Variants in TSHZ2 observed in about 807,000 individuals in gnomAD.
TSHZ2 encodes teashirt homolog 2.
In TSHZ2, 21 loss-of-function variants were observed where a neutral mutation model predicts 74.4. The observed-to-expected ratio is 0.28, with a 90% CI of 0.20 to 0.41. The LOEUF is 0.41. Among genes scored for constraint, TSHZ2 ranks in the 10% least tolerant of loss-of-function variants. The probability of loss-of-function intolerance (pLI) is 1.00; values close to 1 mark genes in which losing one functional copy is unlikely to be tolerated. For missense variants in TSHZ2, 1,244 were observed against 1,293.5 expected, an observed-to-expected ratio of 0.96 and a Z score of 0.59; for synonymous variants, 540 against 515.3, an observed-to-expected ratio of 1.05 and a Z score of -0.65.
chr20:53,306,422 T>C (rs1338866861), intron 2 of TSHZ2, among the ~76,000 whole-genome samples: 1 of 152,126 alleles, frequency 6.6e-6, no homozygotes, highest in Non-Finnish European at 1.5e-5. Context: ...GAGGTGACAG[T>C]GCTGGAGGTG....
intron 2 of TSHZ2, among the ~76,000 whole-genome samples, chr20:53,367,585 T>C (rs890229251): frequency 1.3e-5 from 2 of 152,002 alleles, no homozygotes; most frequent in Non-Finnish European, 2.9e-5. Context: ...TTATTCTTTT[T>C]TTTCTTTTTG....
intron 2 of TSHZ2, among the ~76,000 whole-genome samples, chr20:53,446,429 G>C (rs4811438): frequency 6.9e-6 from 1 of 145,716 alleles, no homozygotes; most frequent in Non-Finnish European, 1.5e-5. Flanking sequence ...AAAAAAACTA[G>C]CCGGGTGTGG....
At chr20:53,450,965 GCC>G (rs2092588942) in intron 2 of TSHZ2, among the ~76,000 whole-genome samples, 1 of 151,556 alleles carries the variant, frequency 6.6e-6, no homozygotes, top group South Asian at 2.1e-4. Flanking sequence ...AGTCTCAGAA[GCC>G]CAGAGGGAAA....
chr20:53,246,719 C>G (rs1990214765), intron 1 of TSHZ2, among the ~76,000 whole-genome samples: 1 of 152,234 alleles, frequency 6.6e-6, no homozygotes, highest in Non-Finnish European at 1.5e-5. Flanking sequence ...AAAGGGATGA[C>G]AGAATATCCA....
At chr20:53,165,902 C>T (rs1402987596) in intron 1 of TSHZ2, among the ~76,000 whole-genome samples, 2 of 152,184 alleles carry the variant, frequency 1.3e-5, no homozygotes, top group African/African-American at 4.8e-5. Context: ...ACACTGAGCT[C>T]CTTTCTGATG....
At chr20:53,439,741 T>C (rs1984239848) in intron 2 of TSHZ2, among the ~76,000 whole-genome samples, 1 of 152,250 alleles carries the variant, frequency 6.6e-6, no homozygotes, top group African/African-American at 2.4e-5. Context: ...GACTTTGCAG[T>C]TGGGTGTTTC....
intron 2 of TSHZ2, among the ~76,000 whole-genome samples, chr20:53,382,700 C>A (rs1310281679): frequency 1.3e-5 from 2 of 152,204 alleles, no homozygotes; most frequent in East Asian, 3.9e-4. Flanking sequence ...TCACTCAGCA[C>A]TGCAGGAGAC....
intron 1 of TSHZ2, among the ~76,000 whole-genome samples, chr20:53,187,696 GT>G (rs11475446): frequency 0.26 from 39,325 of 150,102 alleles, 5,279 homozygotes; most frequent in East Asian, 0.35. Flanking sequence ...TCTCAGTGCT[GT>G]TTTTTTTTAA....
chr20:52,994,978 A>C (rs1982128082), intron 1 of TSHZ2, among the ~76,000 whole-genome samples: 1 of 152,212 alleles, frequency 6.6e-6, no homozygotes, highest in Non-Finnish European at 1.5e-5. Context: ...ATGCAAACTG[A>C]GGCACAGAGC....
At chr20:53,409,123 A>C (rs1004513657) in intron 2 of TSHZ2, among the ~76,000 whole-genome samples, 2 of 152,224 alleles carry the variant, frequency 1.3e-5, no homozygotes, top group Non-Finnish European at 2.9e-5. Context: ...AGAGCTGAAC[A>C]AATGCCAAAC....
At chr20:53,398,940 A>C (rs1035805884) in intron 2 of TSHZ2, 1 of 143,652 alleles carries the variant, frequency 7.0e-6, no homozygotes, top group Non-Finnish European at 1.6e-5. Context: ...ATAAATATTC[A>C]ATAATAATAA....
intron 1 of TSHZ2, among the ~76,000 whole-genome samples, chr20:53,129,618 A>G (rs972774733): frequency 6.6e-6 from 1 of 152,196 alleles, no homozygotes; most frequent in African/African-American, 2.4e-5. Context: ...GCTCTTCTTT[A>G]CATTTTTCTA....
At chr20:53,110,563 A>T (rs1260874032) in intron 1 of TSHZ2, among the ~76,000 whole-genome samples, 2 of 151,190 alleles carry the variant, frequency 1.3e-5, no homozygotes, top group Non-Finnish European at 3.0e-5. Context: ...GTTACATAAT[A>T]AAAAAAAATG....
chr20:53,427,353 C>A (rs2145726617), intron 2 of TSHZ2, among the ~76,000 whole-genome samples: 1 of 152,276 alleles, frequency 6.6e-6, no homozygotes, highest in Middle Eastern at 3.4e-3. Flanking sequence ...AGAATCAAAC[C>A]TTTGTGGAGA....
intron 1 of TSHZ2, among the ~76,000 whole-genome samples, chr20:53,228,668 GTTGAGA>G (rs1435600956): frequency 7.8e-5 from 10 of 127,664 alleles, no homozygotes; most frequent in Admixed American, 3.8e-4. Flanking sequence ...CACCTCCCGA[GTTGAGA>G]CAACCAAAAT....
chr20:53,404,217 C>T (rs1600612629), intron 2 of TSHZ2, among the ~76,000 whole-genome samples: 1 of 151,990 alleles, frequency 6.6e-6, no homozygotes, highest in African/African-American at 2.4e-5. Flanking sequence ...ATTTAAAATG[C>T]TTTTATGGAA....
chr20:53,291,875 A>T (rs1679004311), intron 2 of TSHZ2, among the ~76,000 whole-genome samples: 1 of 152,132 alleles, frequency 6.6e-6, no homozygotes, highest in African/African-American at 2.4e-5. Context: ...TTCTGCCTTG[A>T]GGAATGTCCT....
intron 2 of TSHZ2, among the ~76,000 whole-genome samples, chr20:53,297,248 C>CTTTTT (rs35627909): frequency 2.5e-5 from 3 of 121,136 alleles, no homozygotes; most frequent in Non-Finnish European, 3.3e-5. Flanking sequence ...ATCTCAGAAT[C>CTTTTT]TTTTTTTTTT....
At chr20:53,246,036 C>CTTTTTTTTTTTTTTT (rs201257665) in intron 1 of TSHZ2, among the ~76,000 whole-genome samples, 40 of 126,764 alleles carry the variant, frequency 3.2e-4, no homozygotes, top group African/African-American at 1.1e-3. Context: ...TTCTTTCTTT[C>CTTTTTTTTTTTTTTT]TTTCTTTTTT....
Sources: gnomAD v4.1 joint callset for allele counts (sites outside exome capture counted in the v4.1 genomes callset) on GRCh38, gnomAD v4.1.1 for gene constraint, MANE v1.5 for transcripts, NCBI Gene and HGNC (gene_info 2026-07-23, HGNC 2026-07-21) for gene names.